The following NR3C1 variants were observed in gnomAD, a reference collection of about 807,000 sequenced individuals.
NR3C1 encodes nuclear receptor subfamily 3 group C member 1.
Under a neutral mutation model 74.0 loss-of-function variants are expected in NR3C1, and 14 were observed. The observed-to-expected ratio is 0.19, with a 90% CI of 0.12 to 0.30. NR3C1 has a LOEUF of 0.30. Among genes scored for constraint, NR3C1 ranks in the 10% least tolerant of loss-of-function variants. The pLI is 1.00. For missense variants in NR3C1, 695 were observed against 909.8 expected, an observed-to-expected ratio of 0.76 and a Z score of 3.04; for synonymous variants, 308 against 332.5, an observed-to-expected ratio of 0.93 and a Z score of 0.80.
intron 2 of NR3C1, among the ~76,000 whole-genome samples, chr5:143,334,518 C>T (rs1255547644): frequency 6.6e-6 from 1 of 152,064 alleles, no homozygotes; most frequent in Non-Finnish European, 1.5e-5. Context: ...AGGAAGGAGT[C>T]CTGCTTTGTT....
chr5:143,349,876 G>C (rs1829936904), intron 2 of NR3C1, among the ~76,000 whole-genome samples: 1 of 152,164 alleles, frequency 6.6e-6, no homozygotes, highest in Admixed American at 6.5e-5. Context: ...CTGGTGCGGT[G>C]ATGGTACTGA....
intron 1 of NR3C1, among the ~76,000 whole-genome samples, chr5:143,434,213 C>T (rs1191206121): frequency 3.3e-5 from 5 of 152,166 alleles, no homozygotes; most frequent in Admixed American, 3.3e-4. Flanking sequence ...TTTTAAAACG[C>T]GTTGTCTCGT....
rs552906370 is a variant in NR3C1 at position 143,377,970 on chromosome 5, C to T, written c.1184+21686G>A. Among the ~76,000 whole-genome samples, 15 of 152,230 alleles carry T rather than the reference C, an allele frequency of 9.9e-5. No homozygotes were observed. In the South Asian group the frequency reaches 3.1e-3, roughly 32 times the overall value. On this transcript the variant is annotated intron_variant, in intron 2 of 8. Transcript: ENST00000394464. ...TCTTTGTAAAGGATGAAATTGGGGG[C>T]CAGGTGCAGTGGCTCACACTTGTAA... is the stretch of plus-strand genomic sequence containing the variant.
intron 2 of NR3C1, among the ~76,000 whole-genome samples, chr5:143,382,157 G>C (rs1836377721): frequency 6.6e-6 from 1 of 151,992 alleles, no homozygotes; most frequent in Non-Finnish European, 1.5e-5. Flanking sequence ...GGTGTATGAA[G>C]AAATGTTCAA....
intron 1 of NR3C1, chr5:143,433,572 G>T (rs1751976719): frequency 6.8e-6 from 1 of 147,320 alleles, no homozygotes; most frequent in Non-Finnish European, 1.5e-5. Context: ...AGCTGTAAGG[G>T]GCTTAAGATC....
intron 2 of NR3C1, chr5:143,332,807 G>A: frequency 6.6e-7 from 1 of 1,510,028 alleles, no homozygotes; most frequent in Non-Finnish European, 9.1e-7. Flanking sequence ...GTTTACGGGT[G>A]CAGAGAACCA....
upstream of NR3C1, chr5:143,404,448 T>TGCC (rs1234218364): frequency 7.1e-6 from 7 of 984,994 alleles, no homozygotes; most frequent in Non-Finnish European, 8.4e-6. Context: ...GGTCTTCAGC[T>TGCC]GCCGCCGCCG....
intron 1 of NR3C1, among the ~76,000 whole-genome samples, chr5:143,419,401 G>GGGAGTATCCC (rs1751097433): frequency 2.6e-5 from 4 of 152,150 alleles, no homozygotes; most frequent in African/African-American, 9.7e-5. Context: ...AAGAAATGTG[G>GGGAGTATCCC]CATTCCATGC....
chr5:143,403,457 G>T lies in NR3C1; in HGVS notation c.-260C>A. ...CGGGCTCCGCGGGTCGAGGTTCCGG[G>T]CGCGCGTGCCCCGTCCCGGTCCCAG... On this transcript the variant is annotated 5_prime_UTR_variant, in exon 1 of 9. Transcript: ENST00000394464. 1.0e-6 allele frequency: 1 copy of T among 984,970 alleles called. No homozygotes were observed. Among genetic ancestry groups the T allele is most frequent in the Non-Finnish European group, 1.2e-6 (1 of 829,792 alleles). The allele number at this position is 984,970 out of a possible 1,614,324, so 61.0% of individuals were successfully genotyped here. A position where few individuals can be genotyped will look rare whatever the true frequency, so the allele number is the denominator to read the frequency against.
At chr5:143,382,535 T>C (rs1434712868) in intron 2 of NR3C1, among the ~76,000 whole-genome samples, 1 of 152,234 alleles carries the variant, frequency 6.6e-6, no homozygotes, top group African/African-American at 2.4e-5. Context: ...CCAGACACTG[T>C]GCTATGCAGT....
At chr5:143,293,035 ATTC>A (rs1316016962) in intron 7 of NR3C1, among the ~76,000 whole-genome samples, 1 of 152,174 alleles carries the variant, frequency 6.6e-6, no homozygotes, top group Non-Finnish European at 1.5e-5. Context: ...AAACAATTGT[ATTC>A]TTCTGCTTTT....
intron 2 of NR3C1, among the ~76,000 whole-genome samples, chr5:143,356,793 A>G (rs1336755915): frequency 6.6e-6 from 1 of 152,158 alleles, no homozygotes; most frequent in African/African-American, 2.4e-5. Context: ...AGTGCTAATG[A>G]TCATCAGATG....
intron 2 of NR3C1, among the ~76,000 whole-genome samples, chr5:143,329,214 GGA>G (rs1273005581): frequency 6.6e-6 from 1 of 152,184 alleles, no homozygotes; most frequent in Non-Finnish European, 1.5e-5. Context: ...CATGGTGGCA[GGA>G]GAGAGAGAAA....
At chr5:143,428,342 G>A (rs893215861) in intron 1 of NR3C1, among the ~76,000 whole-genome samples, 2 of 152,216 alleles carry the variant, frequency 1.3e-5, no homozygotes, top group African/African-American at 2.4e-5. Context: ...CATGGTGAGT[G>A]AATGTTGAAA....
At chr5:143,319,010 T>C (rs190664109) in intron 2 of NR3C1, among the ~76,000 whole-genome samples, 1 of 152,166 alleles carries the variant, frequency 6.6e-6, no homozygotes, top group Non-Finnish European at 1.5e-5. Context: ...GCTGACATAA[T>C]GAAATGGCAA....
intron 2 of NR3C1, among the ~76,000 whole-genome samples, chr5:143,325,141 T>C (rs989922003): frequency 2.0e-5 from 3 of 152,206 alleles, no homozygotes; most frequent in Non-Finnish European, 4.4e-5. Flanking sequence ...TTTACTGTAT[T>C]AGTCCATTTT....
At chr5:143,426,698 T>C (rs1038155454) in intron 1 of NR3C1, among the ~76,000 whole-genome samples, 1 of 152,246 alleles carries the variant, frequency 6.6e-6, no homozygotes, top group Non-Finnish European at 1.5e-5. Flanking sequence ...AAAAACAATT[T>C]TTATTAAAAC....
intron 2 of NR3C1, among the ~76,000 whole-genome samples, chr5:143,342,360 G>A (rs960314302): frequency 1.3e-5 from 2 of 152,186 alleles, no homozygotes; most frequent in Non-Finnish European, 2.9e-5. Context: ...TAAGGGATAA[G>A]GAAACTGAGG....
At chr5:143,434,903 G>T in exon 1 of NR3C1, 1 of 984,970 alleles carries the variant, frequency 1.0e-6, no homozygotes, top group Non-Finnish European at 1.2e-6. Flanking sequence ...ACAAACCAGA[G>T]AATTTCAGAA....
Sources: gnomAD v4.1 joint callset for allele counts (sites outside exome capture counted in the v4.1 genomes callset) on GRCh38, gnomAD v4.1.1 for gene constraint, MANE v1.5 for transcripts, NCBI Gene and HGNC (gene_info 2026-07-23, HGNC 2026-07-21) for gene names.